BIRC6: variants seen among roughly 807,000 people sequenced by gnomAD.
The protein encoded by BIRC6 is dual E2 ubiquitin-conjugating enzyme/E3 ubiquitin-protein ligase BIRC6.
A neutral mutation model predicts 503.3 loss-of-function variants in BIRC6; 98 were observed. The ratio of observed to expected loss-of-function variants is 0.19; its 90% CI spans 0.17 to 0.23. BIRC6 has a LOEUF of 0.23. Ranked by LOEUF, BIRC6 falls within the 10% of genes least tolerant of loss-of-function variation. BIRC6 has a pLI of 1.00. For missense variants in BIRC6, 5,360 were observed against 5,806.0 expected (o/e 0.92, Z 2.50); for synonymous variants, 2,240 against 2,078.7 (o/e 1.08, Z -2.11).
At chr2:32,389,028 A>G in intron 4 of BIRC6, 85 bp downstream of exon 4, 1 of 955,216 alleles carries the variant, frequency 1.0e-6, no homozygotes, top group East Asian at 3.3e-5. Context: ...AAATCTGGTT[A>G]TGATTTTTAA....
chr2:32,405,870 T>C (rs2041152948), intron 8 of BIRC6, among the ~76,000 whole-genome samples: 1 of 152,224 alleles, frequency 6.6e-6, no homozygotes, highest in South Asian at 2.1e-4. Context: ...GTCTTTTATA[T>C]TTTTGTTTGC....
At chr2:32,610,373 G>C (rs79376253) in intron 72 of BIRC6, among the ~76,000 whole-genome samples, 2,582 of 152,224 alleles carry the variant, frequency 0.017, 52 homozygotes, top group African/African-American at 0.059. Flanking sequence ...AGATAGAATT[G>C]AAAGATAGAA....
At chr2:32,605,563 C>T (rs1374986962) in intron 71 of BIRC6, among the ~76,000 whole-genome samples, 1 of 152,108 alleles carries the variant, frequency 6.6e-6, no homozygotes, top group African/African-American at 2.4e-5. Flanking sequence ...TCAGAAGTGT[C>T]AGTAAATGTG....
At chr2:32,523,198 A>C (rs1188616707) in intron 57 of BIRC6, 1 of 152,220 alleles carries the variant, frequency 6.6e-6, no homozygotes, top group Non-Finnish European at 1.5e-5. Flanking sequence ...AGTACAGAGA[A>C]AAAAATAAAA....
At chr2:32,608,770 CTGATA>C (rs1333556637) in intron 72 of BIRC6, among the ~76,000 whole-genome samples, 1 of 152,106 alleles carries the variant, frequency 6.6e-6, no homozygotes, top group Non-Finnish European at 1.5e-5. Flanking sequence ...AAATATGTTT[CTGATA>C]TATTTCTCAT....
rs75801395 is a variant in BIRC6 at position 32,612,420 on chromosome 2, G to A, written c.14394+838G>A. Among the ~76,000 whole-genome samples, 5 of 152,186 alleles carry A rather than the reference G, an allele frequency of 3.3e-5. No homozygotes were observed. The East Asian group carries it at 9.6e-4, about 29-fold the overall frequency. On this transcript the variant is annotated intron_variant, in intron 73 of 73. Coordinates refer to ENST00000421745, the MANE Select transcript of BIRC6 (RefSeq NM_016252.4). ...TTTGTAACAGCCTTCCTTTTTTCCT[G>A]CATCTGAATGTCTTTACTCATTTCA...
chr2:32,543,034 A>G (rs2057793499), intron 61 of BIRC6, among the ~76,000 whole-genome samples: 1 of 152,184 alleles, frequency 6.6e-6, no homozygotes, highest in Non-Finnish European at 1.5e-5. Context: ...TCCTGACCTC[A>G]AGTAATCCAC....
intron 9 of BIRC6, among the ~76,000 whole-genome samples, chr2:32,409,451 C>T (rs748556874): frequency 2.0e-5 from 3 of 152,112 alleles, no homozygotes; most frequent in Non-Finnish European, 2.9e-5. Flanking sequence ...CCACTGTGCC[C>T]GGCCTATTGA....
rs1391464415 is a variant in BIRC6 at position 32,529,802 on chromosome 2, T to C, written c.12072T>C (p.Tyr4024=). ...CCAGTCTATCAAAAACAGATTCTTATAAAAGACTACACCCTGAAAAAGGTA... is the reference window on the plus strand; with the variant it reads ...CCAGTCTATCAAAAACAGATTCTTACAAAAGACTACACCCTGAAAAAGGTA... ...TDPSLSKTDS[Y]KRLHPEKDHG... The change falls in exon 60 of 74, where the codon TAT becomes TAC. Residue 4024 remains tyrosine (Y), a synonymous_variant. Coordinates refer to ENST00000421745, the MANE Select transcript of BIRC6 (RefSeq NM_016252.4). The C allele has an allele frequency of 5.0e-6, 8 of 1,610,510 alleles. No homozygotes were observed. The highest frequency in any genetic ancestry group is 1.7e-5 in the Admixed American group (1 of 59,372).
chr2:32,579,056 A>G (rs1431056169), intron 66 of BIRC6, among the ~76,000 whole-genome samples: 1 of 132,982 alleles, frequency 7.5e-6, no homozygotes, highest in African/African-American at 2.8e-5. Context: ...TAATATATAT[A>G]TGTATACCTA....
Position 32,392,118 on chromosome 2 carries a change from G to C in BIRC6, c.919G>C (p.Asp307His). ...PHVGYRWAQPDPMAQAGFYHQ... is the reference protein window; with the variant it reads ...PHVGYRWAQPHPMAQAGFYHQ... The stretch of plus-strand genomic sequence containing the variant: ...TGTAGGCTATAGGTGGGCACAACCA[G>C]ATCCCATGGCTCAAGCTGGATTTTA... Residue 307 changes from aspartate to histidine, a missense_variant, in exon 5 of 74, where the codon GAT becomes CAT. Transcript: ENST00000421745. The C allele has an allele frequency of 6.3e-7, 1 of 1,594,410 alleles. No individual in the cohort carries two copies. Among genetic ancestry groups the C allele is most frequent in the Non-Finnish European group, 8.6e-7 (1 of 1,169,406 alleles).
Position 32,429,345 on chromosome 2 carries a change from T to G in BIRC6, c.3022+50T>G. The G allele has an allele frequency of 9.0e-6, 12 of 1,326,404 alleles. No homozygotes were observed. In the South Asian group the frequency reaches 1.9e-4, roughly 21 times the overall value. 82.2% of individuals were successfully genotyped at this position (1,326,404 alleles called of 1,614,324 possible). A position where few individuals can be genotyped will look rare whatever the true frequency, so the allele number is the denominator to read the frequency against. On this transcript the variant is annotated intron_variant, in intron 11 of 73. Coordinates refer to ENST00000421745, the MANE Select transcript of BIRC6 (RefSeq NM_016252.4). ...TTTTAAAAAAAGAATAGGTAGTATTTATCATTTTTCTAGTTGTTGGAAGAT... is the reference window on the plus strand; with the variant it reads ...TTTTAAAAAAAGAATAGGTAGTATTGATCATTTTTCTAGTTGTTGGAAGAT...
intron 61 of BIRC6, chr2:32,532,267 A>G (rs778915178): frequency 7.9e-6 from 4 of 507,858 alleles, no homozygotes; most frequent in East Asian, 5.9e-5. Context: ...ACTGAAATTT[A>G]TTCTCAATAG....
At position 32,515,129 on chromosome 2, in the gene BIRC6, C is replaced by A; in HGVS notation, c.10708C>A (p.Pro3570Thr). The change falls in exon 55 of 74, where the codon CCA (proline) becomes ACA (threonine). Residue 3570 changes from proline (P) to threonine (T), a missense_variant. Coordinates refer to ENST00000421745, the MANE Select transcript of BIRC6 (RefSeq NM_016252.4). ...GGGCTGGATGGGAATTACCCCTCCT[C>A]CAGTGCAATGTCATCATAGACTGTC... is the stretch of plus-strand genomic sequence containing the variant. ...LMGWMGITPPPVQCHHRLSMT... is the reference protein window; with the variant it reads ...LMGWMGITPPTVQCHHRLSMT... 6.2e-7 allele frequency: 1 copy of A among 1,613,932 alleles called. No individual in the cohort carries two copies. The highest frequency in any genetic ancestry group is 8.5e-7 in the Non-Finnish European group (1 of 1,179,868).
intron 47 of BIRC6, 78 bp from the exon 48 acceptor site, chr2:32,502,717 A>G: frequency 1.9e-6 from 2 of 1,064,274 alleles, no homozygotes; most frequent in Middle Eastern, 4.2e-4. Context: ...TTAACTAGGA[A>G]GGAATATTAC....
chr2:32,608,785 T>C (rs2062651392), intron 72 of BIRC6, among the ~76,000 whole-genome samples: 1 of 152,188 alleles, frequency 6.6e-6, no homozygotes, highest in South Asian at 2.1e-4. Context: ...ATATTTCTCA[T>C]TGAACTGTTT....
intron 55 of BIRC6, among the ~76,000 whole-genome samples, chr2:32,516,798 A>G (rs1184844807): frequency 1.3e-5 from 2 of 152,122 alleles, no homozygotes; most frequent in Non-Finnish European, 2.9e-5. Context: ...GACCTTGGGC[A>G]TATTGGTTAA....
intron 10 of BIRC6, among the ~76,000 whole-genome samples, chr2:32,426,089 C>T (rs1355693506): frequency 6.6e-6 from 1 of 152,236 alleles, no homozygotes; most frequent in Non-Finnish European, 1.5e-5. Context: ...GGTGGAGGGA[C>T]TGATCCCTAG....
chr2:32,523,115 G>A (rs748577530), intron 57 of BIRC6: 93 of 152,226 alleles, frequency 6.1e-4, no homozygotes, highest in African/African-American at 2.1e-3. Flanking sequence ...GTTATTTCAC[G>A]TGGGAGATGA....
Sources: allele counts gnomAD v4.1 joint callset (sites outside exome capture counted in the v4.1 genomes callset), GRCh38; gene constraint gnomAD v4.1.1; transcripts MANE v1.5; gene names NCBI Gene and HGNC (gene_info 2026-07-23, HGNC 2026-07-21).